The following SRPK2 variants were observed in gnomAD, a reference collection of about 807,000 sequenced individuals.
The protein encoded by SRPK2 is SFRS protein kinase 2.
A neutral mutation model predicts 90.8 loss-of-function variants in SRPK2; 21 were observed. The ratio of observed to expected loss-of-function variants is 0.23; its 90% CI spans 0.16 to 0.33. The LOEUF is 0.33. SRPK2 is among the 10% of genes least tolerant of loss of function. The pLI, the probability that SRPK2 is intolerant of heterozygous loss-of-function variation, is 1.00. For missense variants in SRPK2, 620 were observed against 869.0 expected (o/e 0.71, Z 3.60); for synonymous variants, 288 against 311.1 (o/e 0.93, Z 0.78).
intron 2 of SRPK2, among the ~76,000 whole-genome samples, chr7:105,319,890 T>C (rs900082503): frequency 6.6e-6 from 1 of 151,374 alleles, no homozygotes; most frequent in African/African-American, 2.4e-5. Context: ...ATAAATCTTC[T>C]TCCACCACAT....
intron 3 of SRPK2, among the ~76,000 whole-genome samples, chr7:105,195,210 C>T (rs1472909916): frequency 6.6e-6 from 1 of 152,166 alleles, no homozygotes; most frequent in Admixed American, 6.5e-5. Flanking sequence ...CCACCGTGCC[C>T]GGCTAATTTT....
chr7:105,248,171 A>G (rs1355157115), intron 2 of SRPK2, among the ~76,000 whole-genome samples: 1 of 152,120 alleles, frequency 6.6e-6, no homozygotes, highest in Non-Finnish European at 1.5e-5. Context: ...CAATCTTTTA[A>G]ATCATCTCCG....
chr7:105,247,237 C>T (rs1434623347), intron 2 of SRPK2, among the ~76,000 whole-genome samples: 1 of 152,150 alleles, frequency 6.6e-6, no homozygotes, highest in African/African-American at 2.4e-5. Flanking sequence ...TCCTCATAAA[C>T]TCTGTGTTGT....
intron 2 of SRPK2, among the ~76,000 whole-genome samples, chr7:105,303,970 G>T (rs1370177118): frequency 6.6e-6 from 1 of 152,094 alleles, no homozygotes; most frequent in Non-Finnish European, 1.5e-5. Flanking sequence ...TGAGAAAATC[G>T]GTAGAGTTGA....
Position 105,169,157 on chromosome 7 carries a change from T to C in SRPK2, c.338A>G (p.Gln113Arg), listed in dbSNP as rs1181035331. Residue 113 changes from glutamine to arginine, a missense_variant and splice_region_variant, in exon 4 of 16, where the codon CAG becomes CGG. Physicochemically the swap from Gln to Arg is conservative, Grantham distance 43. Transcript: ENST00000393651. ...TGCACAAATGACAAAGAACACTTAC[T>C]GCATATCCCAGCACAGCCAGACAGT... is the stretch of plus-strand genomic sequence containing the variant. ...FSTVWLCWDM[Q>R]GKRFVAMKVV... The C allele has an allele frequency of 6.2e-7, 1 of 1,610,172 alleles. No homozygotes were observed. The highest frequency in any genetic ancestry group is 8.5e-7 in the Non-Finnish European group (1 of 1,178,000).
chr7:105,125,747 T>C (rs1224089951), intron 15 of SRPK2: 1 of 977,222 alleles, frequency 1.0e-6, no homozygotes, highest in Non-Finnish European at 1.4e-6. Flanking sequence ...GGGAGAAGAC[T>C]ATGCTGAAAA....
In SRPK2 at chr7:105,203,674, C is replaced by G. The variant is rs1012623439; in HGVS notation, c.183G>C (p.Leu61=). Residue 61 remains leucine (L), a synonymous_variant, in exon 3 of 16, where the codon CTG becomes CTC. Transcript: ENST00000393651. ...CCTCTTGCTCCTCATCATCTGATCC[C>G]AGGATCTCCTCCTCTGGCTCCGGGG... ...PTPPEPEEEI[L]GSDDEEQEDP... The G allele has an allele frequency of 7.7e-6, 12 of 1,562,988 alleles. No individual in the cohort carries two copies. The highest frequency in any genetic ancestry group is 1.0e-5 in the Non-Finnish European group (12 of 1,158,654).
chr7:105,327,698 T>C (rs1210721670), intron 2 of SRPK2, among the ~76,000 whole-genome samples: 1 of 152,242 alleles, frequency 6.6e-6, no homozygotes, highest in Non-Finnish European at 1.5e-5. Context: ...CAATGCCCAT[T>C]TATAGTAGGT....
At chr7:105,210,215 C>T (rs1441952747) in intron 2 of SRPK2, among the ~76,000 whole-genome samples, 2 of 152,154 alleles carry the variant, frequency 1.3e-5, no homozygotes, top group Non-Finnish European at 2.9e-5. Context: ...GCAACTGACA[C>T]AATTTAAGAA....
At chr7:105,301,562 G>A (rs554113290) in intron 2 of SRPK2, 23 of 1,575,880 alleles carry the variant, frequency 1.5e-5, no homozygotes, top group Admixed American at 5.0e-5. Flanking sequence ...GAAGCATTAC[G>A]CTCTATTTAT....
chr7:105,220,843 T>A (rs1215506020), intron 2 of SRPK2, among the ~76,000 whole-genome samples: 2 of 152,220 alleles, frequency 1.3e-5, no homozygotes, highest in Non-Finnish European at 2.9e-5. Flanking sequence ...CATCTTGAAT[T>A]GTTTAAAATG....
At chr7:105,212,509 C>A (rs923095354) in intron 2 of SRPK2, among the ~76,000 whole-genome samples, 2 of 152,142 alleles carry the variant, frequency 1.3e-5, no homozygotes, top group African/African-American at 2.4e-5. Context: ...GAGGCCCAAA[C>A]TAATCTGGTA....
chr7:105,347,555 G>A (rs181796046), intron 2 of SRPK2, among the ~76,000 whole-genome samples: 35 of 152,174 alleles, frequency 2.3e-4, no homozygotes, highest in East Asian at 1.2e-3. Context: ...GGGAGGGGGA[G>A]GAGGAGGAAG....
At chr7:105,166,814 A>C (rs1487769200) in intron 6 of SRPK2, among the ~76,000 whole-genome samples, 1 of 152,240 alleles carries the variant, frequency 6.6e-6, no homozygotes, top group East Asian at 1.9e-4. Context: ...ACCTGACAGA[A>C]AGATGAGCCT....
intron 7 of SRPK2, among the ~76,000 whole-genome samples, chr7:105,154,923 T>A (rs1054005012): frequency 6.6e-6 from 1 of 152,106 alleles, no homozygotes; most frequent in African/African-American, 2.4e-5. Flanking sequence ...TCTGCCCGCC[T>A]TGGCCTCCCA....
intron 7 of SRPK2, among the ~76,000 whole-genome samples, chr7:105,159,464 A>ACAAAAAAAAAAACAAAAAAAAAAAAAC (rs1230460659): frequency 7.1e-6 from 1 of 141,592 alleles, no homozygotes; most frequent in African/African-American, 2.9e-5. Flanking sequence ...AAAAAAAAAA[A>ACAAAAAAAAAAACAAAAAAAAAAAAAC]AAAAAAAAAC....
At chr7:105,235,729 TA>T (rs559715917) in intron 2 of SRPK2, among the ~76,000 whole-genome samples, 80 of 150,150 alleles carry the variant, frequency 5.3e-4, no homozygotes, top group African/African-American at 1.5e-3. Context: ...AAAATATCTT[TA>T]AAAAAAAAAC....
At chr7:105,258,586 G>C (rs1483792025) in intron 2 of SRPK2, among the ~76,000 whole-genome samples, 1 of 151,810 alleles carries the variant, frequency 6.6e-6, no homozygotes. Context: ...AACAAAAAAA[G>C]AGTATTTTAG....
intron 3 of SRPK2, among the ~76,000 whole-genome samples, chr7:105,200,086 G>A (rs1795363361): frequency 6.6e-6 from 1 of 152,118 alleles, no homozygotes; most frequent in Non-Finnish European, 1.5e-5. Flanking sequence ...AGAATTACTT[G>A]AGGTCAGGAG....
Sources: gnomAD v4.1 joint callset for allele counts (sites outside exome capture counted in the v4.1 genomes callset) on GRCh38, gnomAD v4.1.1 for gene constraint, MANE v1.5 for transcripts, NCBI Gene and HGNC (gene_info 2026-07-23, HGNC 2026-07-21) for gene names.